LOC128092253: variants seen among roughly 807,000 people sequenced by gnomAD.
chr6:133,974,184 C>A, the LOC128092253 span, among the ~76,000 whole-genome samples: 2 of 152,272 alleles, frequency 1.3e-5, no homozygotes, highest in East Asian at 3.9e-4. Flanking sequence ...TACATCTCTA[C>A]ATCTGTCTAG....
At chr6:133,953,941 TTTA>T in the LOC128092253 span, among the ~76,000 whole-genome samples, 2 of 152,150 alleles carry the variant, frequency 1.3e-5, no homozygotes, top group East Asian at 1.9e-4. Flanking sequence ...CTCGCTTTAT[TTTA>T]TTATTATTTT....
the LOC128092253 span, among the ~76,000 whole-genome samples, chr6:133,960,418 C>CTTTTTTT: frequency 7.6e-6 from 1 of 131,594 alleles, no homozygotes; most frequent in Non-Finnish European, 1.6e-5. Context: ...GCTGACCAGC[C>CTTTTTTT]TTTTTTTTTT....
At chr6:133,967,320 A>G in the LOC128092253 span, among the ~76,000 whole-genome samples, 2 of 152,250 alleles carry the variant, frequency 1.3e-5, no homozygotes, top group African/African-American at 4.8e-5. Context: ...CATTTTCAGC[A>G]GAATGAATTA....
At chr6:133,978,154 T>G in the LOC128092253 span, among the ~76,000 whole-genome samples, 3 of 152,198 alleles carry the variant, frequency 2.0e-5, no homozygotes, top group African/African-American at 7.2e-5. Flanking sequence ...GCCAGGAGCC[T>G]AGCAGAAAAC....
the LOC128092253 span, among the ~76,000 whole-genome samples, chr6:133,974,494 C>T: frequency 4.6e-5 from 7 of 152,248 alleles, no homozygotes; most frequent in Middle Eastern, 3.4e-3. Flanking sequence ...CCACCACGCC[C>T]GGCTGATTTT....
chr6:133,962,858 C>T, the LOC128092253 span, among the ~76,000 whole-genome samples: 1 of 152,114 alleles, frequency 6.6e-6, no homozygotes, highest in Non-Finnish European at 1.5e-5. Context: ...TTGAGCTTTT[C>T]AGGGTCTGGC....
At chr6:133,964,817 T>C in the LOC128092253 span, among the ~76,000 whole-genome samples, 1 of 152,240 alleles carries the variant, frequency 6.6e-6, no homozygotes, top group Non-Finnish European at 1.5e-5. Context: ...ATGGCATTTG[T>C]GCATGACATA....
the LOC128092253 span, among the ~76,000 whole-genome samples, chr6:133,956,658 C>A: frequency 6.6e-6 from 1 of 152,170 alleles, no homozygotes; most frequent in Non-Finnish European, 1.5e-5. Context: ...ACTTCAAGAG[C>A]TTAGCTAGTG....
At chr6:133,974,694 T>C in the LOC128092253 span, among the ~76,000 whole-genome samples, 2 of 152,244 alleles carry the variant, frequency 1.3e-5, no homozygotes, top group Admixed American at 1.3e-4. Flanking sequence ...TTAAATTATC[T>C]GAATACACAC....
At chr6:133,970,939 G>T in the LOC128092253 span, among the ~76,000 whole-genome samples, 1 of 152,042 alleles carries the variant, frequency 6.6e-6, no homozygotes, top group Non-Finnish European at 1.5e-5. Context: ...TCATTTCTTT[G>T]TGGTAAGAAC....
the LOC128092253 span, among the ~76,000 whole-genome samples, chr6:133,965,390 C>T: frequency 6.6e-6 from 1 of 152,160 alleles, no homozygotes; most frequent in Admixed American, 6.5e-5. Flanking sequence ...AATATCCAAA[C>T]CCATTATGCT....
At chr6:133,972,932 A>G in the LOC128092253 span, among the ~76,000 whole-genome samples, 1 of 152,214 alleles carries the variant, frequency 6.6e-6, no homozygotes, top group Admixed American at 6.5e-5. Context: ...ATGAGGATTT[A>G]GAGAGCGGTT....
At chr6:133,955,800 ATTC>A in the LOC128092253 span, among the ~76,000 whole-genome samples, 1 of 152,346 alleles carries the variant, frequency 6.6e-6, no homozygotes, top group East Asian at 1.9e-4. Context: ...TAAAAAAATT[ATTC>A]TTAAAATCAA....
chr6:133,976,002 T>C, the LOC128092253 span, among the ~76,000 whole-genome samples: 15 of 152,154 alleles, frequency 9.9e-5, no homozygotes, highest in African/African-American at 3.4e-4. Flanking sequence ...TTTGGTGGAG[T>C]TGCTTAAACA....
the LOC128092253 span, among the ~76,000 whole-genome samples, chr6:133,979,438 G>A: frequency 6.6e-6 from 1 of 152,102 alleles, no homozygotes; most frequent in Non-Finnish European, 1.5e-5. Flanking sequence ...CCTTGAACGT[G>A]GTGCATTTGG....
At chr6:133,956,900 A>T in the LOC128092253 span, among the ~76,000 whole-genome samples, 1 of 152,358 alleles carries the variant, frequency 6.6e-6, no homozygotes, top group African/African-American at 2.4e-5. Context: ...GAGAGACTGT[A>T]TACGTATCTG....
chr6:133,979,081 A>G, the LOC128092253 span, among the ~76,000 whole-genome samples: 65 of 152,282 alleles, frequency 4.3e-4, no homozygotes, highest in Admixed American at 2.1e-3. Flanking sequence ...CGGCAAATAC[A>G]TGTTGGAAGA....
the LOC128092253 span, among the ~76,000 whole-genome samples, chr6:133,971,642 G>A: frequency 6.6e-6 from 1 of 151,828 alleles, no homozygotes; most frequent in Non-Finnish European, 1.5e-5. Flanking sequence ...GGAGTGAGGT[G>A]GTATCTCATT....
chr6:133,954,414 T>C, the LOC128092253 span, among the ~76,000 whole-genome samples: 1 of 152,254 alleles, frequency 6.6e-6, no homozygotes, highest in East Asian at 1.9e-4. Flanking sequence ...TTTCGCAGTC[T>C]CTTTGAGAAA....
Sources: allele counts gnomAD v4.1 joint callset (sites outside exome capture counted in the v4.1 genomes callset), GRCh38; gene constraint gnomAD v4.1.1; transcripts MANE v1.5.